Variants in MGAT4C observed in about 807,000 individuals in gnomAD.
The protein encoded by MGAT4C is alpha-1,3-mannosyl-glycoprotein 4-beta-N-acetylglucosaminyltransferase C.
Under a neutral mutation model 40.1 loss-of-function variants are expected in MGAT4C, and 19 were observed. The observed-to-expected ratio is 0.47, with a 90% CI of 0.33 to 0.70. MGAT4C has a LOEUF of 0.70. Ranked by LOEUF, MGAT4C falls within the 30% of genes least tolerant of loss-of-function variation. The pLI is 0.02. For synonymous variants in MGAT4C, 181 were observed against 187.1 expected, an observed-to-expected ratio of 0.97 and a Z score of 0.27; for missense variants, 491 against 563.2, an observed-to-expected ratio of 0.87 and a Z score of 1.30.
chr12:86,366,346 C>T (rs1351922007), intron 3 of MGAT4C, among the ~76,000 whole-genome samples: 2 of 152,132 alleles, frequency 1.3e-5, no homozygotes, highest in East Asian at 1.9e-4. Context: ...ATTTTGACTT[C>T]GTCTTTTCCT....
chr12:86,482,067 T>TACACACAG (rs1957946906), intron 2 of MGAT4C, among the ~76,000 whole-genome samples: 1 of 143,110 alleles, frequency 7.0e-6, no homozygotes. Flanking sequence ...AACATGTCAC[T>TACACACAG]ACACACACAC....
At chr12:86,814,426 A>G (rs1428883903) in intron 1 of MGAT4C, among the ~76,000 whole-genome samples, 1 of 146,932 alleles carries the variant, frequency 6.8e-6, no homozygotes, top group Admixed American at 7.0e-5. Context: ...ATATATATGA[A>G]AGGCATGTTC....
chr12:86,755,707 G>A (rs1280326538), intron 1 of MGAT4C, among the ~76,000 whole-genome samples: 2 of 150,074 alleles, frequency 1.3e-5, no homozygotes, highest in African/African-American at 4.9e-5. Flanking sequence ...GAGTGCAATA[G>A]TGCCATCACT....
chr12:86,404,281 G>A (rs1956422569), intron 3 of MGAT4C, among the ~76,000 whole-genome samples: 1 of 152,116 alleles, frequency 6.6e-6, no homozygotes, highest in Admixed American at 6.6e-5. Context: ...ATTAATAAAG[G>A]CAAGTTTGCA....
At chr12:86,673,042 T>C (rs1373065658) in intron 2 of MGAT4C, among the ~76,000 whole-genome samples, 2 of 152,188 alleles carry the variant, frequency 1.3e-5, no homozygotes, top group Admixed American at 6.5e-5. Flanking sequence ...TAGCAACATG[T>C]CTAATTTATC....
At chr12:86,544,944 T>C (rs1417387565) in intron 2 of MGAT4C, among the ~76,000 whole-genome samples, 2 of 152,100 alleles carry the variant, frequency 1.3e-5, no homozygotes, top group African/African-American at 4.8e-5. Context: ...TTAAATTTAA[T>C]AGTGATTGTT....
chr12:86,488,438 A>C (rs76110180), intron 2 of MGAT4C, among the ~76,000 whole-genome samples: 4 of 150,850 alleles, frequency 2.7e-5, no homozygotes, highest in Non-Finnish European at 4.4e-5. Context: ...AAAAAAAAAA[A>C]CAAAAAACCC....
intron 2 of MGAT4C, among the ~76,000 whole-genome samples, chr12:86,592,122 T>C (rs1323275864): frequency 2.0e-5 from 3 of 152,134 alleles, no homozygotes. Context: ...AGCAAATTAA[T>C]ACCATTTCAT....
At chr12:85,985,913 T>G (rs1328159460) in intron 3 of MGAT4C, among the ~76,000 whole-genome samples, 2 of 152,208 alleles carry the variant, frequency 1.3e-5, no homozygotes, top group African/African-American at 4.8e-5. Flanking sequence ...CAGCACTAAA[T>G]TCATTTTACC....
intron 2 of MGAT4C, among the ~76,000 whole-genome samples, chr12:86,723,868 A>C (rs1238623486): frequency 6.6e-6 from 1 of 152,210 alleles, no homozygotes; most frequent in African/African-American, 2.4e-5. Context: ...AACTGCCTTA[A>C]ATTTCATTGG....
At chr12:86,589,384 C>T (rs1250151166) in intron 2 of MGAT4C, among the ~76,000 whole-genome samples, 5 of 152,070 alleles carry the variant, frequency 3.3e-5, no homozygotes, top group Non-Finnish European at 5.9e-5. Flanking sequence ...TGACCAATAA[C>T]AGGAGCTGAA....
At chr12:86,302,647 T>C (rs1221382029) in intron 4 of MGAT4C, among the ~76,000 whole-genome samples, 1 of 150,560 alleles carries the variant, frequency 6.6e-6, no homozygotes, top group Non-Finnish European at 1.5e-5. Flanking sequence ...CAGGCTGGTC[T>C]CGAATTCCTG....
intron 3 of MGAT4C, among the ~76,000 whole-genome samples, chr12:86,416,667 G>A (rs1956722819): frequency 6.6e-6 from 1 of 152,066 alleles, no homozygotes; most frequent in Admixed American, 6.6e-5. Context: ...AGATCTCATG[G>A]GTTTTGGATG....
chr12:86,548,127 T>C (rs1186208958), intron 2 of MGAT4C, among the ~76,000 whole-genome samples: 3 of 152,118 alleles, frequency 2.0e-5, no homozygotes, highest in Non-Finnish European at 2.9e-5. Flanking sequence ...AGAAGCTAAA[T>C]TCATGGAGGG....
intron 2 of MGAT4C, among the ~76,000 whole-genome samples, chr12:86,443,432 T>A (rs1957271922): frequency 6.6e-6 from 1 of 152,106 alleles, no homozygotes; most frequent in Non-Finnish European, 1.5e-5. Context: ...TACTTTAAAT[T>A]ACTGACCATG....
At chr12:86,588,257 T>C (rs1438202956) in intron 2 of MGAT4C, among the ~76,000 whole-genome samples, 4 of 151,978 alleles carry the variant, frequency 2.6e-5, no homozygotes, top group African/African-American at 9.7e-5. Flanking sequence ...GCAATCCTAG[T>C]CTCTGATAAA....
chr12:86,378,199 C>A (rs1340614698), intron 3 of MGAT4C, among the ~76,000 whole-genome samples: 3 of 151,986 alleles, frequency 2.0e-5, no homozygotes, highest in Non-Finnish European at 4.4e-5. Context: ...ATCCCATTTT[C>A]AATGATTTGG....
At chr12:86,442,577 C>T (rs1210892923) in intron 2 of MGAT4C, among the ~76,000 whole-genome samples, 2 of 151,976 alleles carry the variant, frequency 1.3e-5, no homozygotes, top group African/African-American at 2.4e-5. Flanking sequence ...AGCCAGTTTT[C>T]CCAGCACCAT....
intron 2 of MGAT4C, among the ~76,000 whole-genome samples, chr12:86,660,683 T>C (rs887542644): frequency 5.3e-5 from 8 of 152,168 alleles, no homozygotes; most frequent in Non-Finnish European, 1.0e-4. Context: ...AGGACACTAA[T>C]ATTTAACGGT....
Sources: allele counts gnomAD v4.1 joint callset (sites outside exome capture counted in the v4.1 genomes callset), GRCh38; gene constraint gnomAD v4.1.1; transcripts MANE v1.5; gene names NCBI Gene and HGNC (gene_info 2026-07-23, HGNC 2026-07-21).